Variants in PLGRKT observed in about 807,000 individuals in gnomAD.
PLGRKT encodes plasminogen receptor (KT).
In PLGRKT, 22 loss-of-function variants were observed where a neutral mutation model predicts 18.5. The ratio of observed to expected loss-of-function variants is 1.19; its 90% CI spans 0.85 to 1.70. The LOEUF (loss-of-function observed/expected upper bound fraction) is 1.70. PLGRKT is among the 40% of genes most tolerant of loss of function. PLGRKT has a pLI of 0.00. For synonymous variants in PLGRKT, 72 were observed against 52.8 expected, an observed-to-expected ratio of 1.36 and a Z score of -1.58; for missense variants, 235 against 174.4, an observed-to-expected ratio of 1.35 and a Z score of -1.96.
chr9:5,385,598 C>G (rs748863873), intron 3 of PLGRKT, among the ~76,000 whole-genome samples: 10 of 151,726 alleles, frequency 6.6e-5, no homozygotes, highest in Non-Finnish European at 1.5e-4. Context: ...ACATACTTGC[C>G]ACTCTTCAGT....
At chr9:5,382,963 C>T (rs1187124717) in intron 3 of PLGRKT, among the ~76,000 whole-genome samples, 1 of 152,166 alleles carries the variant, frequency 6.6e-6, no homozygotes, top group Admixed American at 6.5e-5. Context: ...GGTCCACATC[C>T]TAACTCCAGA....
At chr9:5,381,568 C>T (rs986875553) in intron 3 of PLGRKT, among the ~76,000 whole-genome samples, 5 of 152,212 alleles carry the variant, frequency 3.3e-5, no homozygotes, top group African/African-American at 1.2e-4. Context: ...CATTTACAAA[C>T]GTGCAGATGT....
chr9:5,381,951 T>C, intron 3 of PLGRKT: 1 of 985,148 alleles, frequency 1.0e-6, no homozygotes, highest in African/African-American at 1.7e-5. Context: ...CCTCCATGCC[T>C]GAGCCAGCTC....
intron 3 of PLGRKT, among the ~76,000 whole-genome samples, chr9:5,367,144 A>G (rs566236865): frequency 4.6e-5 from 7 of 152,184 alleles, no homozygotes; most frequent in African/African-American, 1.7e-4. Context: ...GGAAGAATCA[A>G]TATCATTAAA....
chr9:5,389,008 G>A (rs1339612998), intron 3 of PLGRKT, among the ~76,000 whole-genome samples: 1 of 151,968 alleles, frequency 6.6e-6, no homozygotes, highest in Non-Finnish European at 1.5e-5. Flanking sequence ...CTTGTGCAAT[G>A]AAGAAGACAT....
intron 3 of PLGRKT, chr9:5,392,434 TACAGTTATTCATA>T (rs1449063597): frequency 6.6e-6 from 1 of 152,016 alleles, no homozygotes; most frequent in East Asian, 1.9e-4. Context: ...GCAATTATAA[TACAGTTATTCATA>T]AAGCAAATTG....
intron 3 of PLGRKT, among the ~76,000 whole-genome samples, chr9:5,397,329 G>C (rs982779728): frequency 2.0e-5 from 3 of 151,844 alleles, no homozygotes; most frequent in Admixed American, 6.6e-5. Flanking sequence ...TCTTTCCAAA[G>C]GCAGCTCTTC....
At chr9:5,426,948 C>G (rs1042005768) in intron 3 of PLGRKT, among the ~76,000 whole-genome samples, 2 of 152,190 alleles carry the variant, frequency 1.3e-5, no homozygotes, top group African/African-American at 2.4e-5. Flanking sequence ...GCTTTCTGTG[C>G]TACGAGTAAT....
intron 3 of PLGRKT, among the ~76,000 whole-genome samples, chr9:5,411,135 A>C (rs535243624): frequency 6.6e-6 from 1 of 152,006 alleles, no homozygotes; most frequent in African/African-American, 2.4e-5. Flanking sequence ...TGTAATCCCA[A>C]CACTTTGGGA....
intron 3 of PLGRKT, among the ~76,000 whole-genome samples, chr9:5,386,094 T>A (rs747142327): frequency 2.0e-5 from 3 of 151,788 alleles, no homozygotes; most frequent in Non-Finnish European, 4.4e-5. Context: ...TGCAAGAAAA[T>A]GCGAATGCAC....
chr9:5,418,506 C>G lies in PLGRKT; in HGVS notation c.81+13391G>C. Reference sequence around the variant, plus strand: ...ACCACATGGAGCTTTTCACCATGCCCCGCCTGTCCTGCTCCTCCTCCGCCA... The same window carrying G: ...ACCACATGGAGCTTTTCACCATGCCGCGCCTGTCCTGCTCCTCCTCCGCCA... On this transcript the variant is annotated intron_variant, in intron 3 of 5. Transcript: ENST00000223864. This position sits in a 1 kb window ranked among gnomAD's most constrained non-coding sequence, Gnocchi z 4.2. 1 of 1,090,366 alleles carries G rather than the reference C, an allele frequency of 9.2e-7. No individual in the cohort carries two copies. Among genetic ancestry groups the G allele is most frequent in the Non-Finnish European group, 1.4e-6 (1 of 710,120 alleles). 67.5% of individuals were successfully genotyped at this position (1,090,366 alleles called of 1,614,324 possible).
chr9:5,417,359 T>C (rs1375260945), intron 3 of PLGRKT, among the ~76,000 whole-genome samples: 2 of 152,146 alleles, frequency 1.3e-5, no homozygotes, highest in Non-Finnish European at 2.9e-5. Context: ...CCTTACTTCA[T>C]ACCATACATA....
chr9:5,403,099 A>C lies in PLGRKT; in HGVS notation c.81+28798T>G, dbSNP rs369265407. On this transcript the variant is annotated intron_variant, in intron 3 of 5. Transcript: ENST00000223864. ...TTTAATCATTATTGGTCTCAATGTA[A>C]CAGATGGAAGGTGGCATTAGATAAT... Among the ~76,000 whole-genome samples, 83 of 152,040 alleles carry C rather than the reference A, an allele frequency of 5.5e-4. 2 individuals are homozygous for C. The highest frequency in any genetic ancestry group is 1.9e-3 in the African/African-American group (77 of 41,314).
At chr9:5,365,162 G>A (rs947760753) in intron 3 of PLGRKT, among the ~76,000 whole-genome samples, 1 of 152,044 alleles carries the variant, frequency 6.6e-6, no homozygotes, top group Non-Finnish European at 1.5e-5. Context: ...AGAAATAGCT[G>A]GCCTAGGACT....
intron 3 of PLGRKT, among the ~76,000 whole-genome samples, chr9:5,388,446 G>A (rs1055611408): frequency 1.3e-5 from 2 of 152,026 alleles, no homozygotes. Flanking sequence ...TAGGATATAT[G>A]CAGATGATAC....
chr9:5,396,014 C>T (rs1818039528), intron 3 of PLGRKT, among the ~76,000 whole-genome samples: 1 of 151,424 alleles, frequency 6.6e-6, no homozygotes, highest in African/African-American at 2.4e-5. Flanking sequence ...CTGCCTTAGC[C>T]TCCCAAGTAG....
intron 3 of PLGRKT, among the ~76,000 whole-genome samples, chr9:5,410,940 T>C (rs1818350194): frequency 6.6e-6 from 1 of 152,202 alleles, no homozygotes; most frequent in Non-Finnish European, 1.5e-5. Flanking sequence ...TGATATAATA[T>C]TAATTGTTAT....
chr9:5,409,822 C>G (rs1297120627), intron 3 of PLGRKT, among the ~76,000 whole-genome samples: 1 of 152,204 alleles, frequency 6.6e-6, no homozygotes, highest in East Asian at 1.9e-4. Context: ...TGGCCAAATT[C>G]TCCTATTTGG....
chr9:5,382,325 C>T (rs72703676), intron 3 of PLGRKT, among the ~76,000 whole-genome samples: 1,778 of 152,276 alleles, frequency 0.012, 14 homozygotes, highest in Middle Eastern at 0.027. Context: ...TATGAAAGTG[C>T]ATGGCAGGGC....
Sources: gnomAD v4.1 joint callset for allele counts (sites outside exome capture counted in the v4.1 genomes callset) on GRCh38, gnomAD v4.1.1 for gene constraint, Gnocchi (gnomAD v3.1) non-coding constraint, MANE v1.5 for transcripts, NCBI Gene and HGNC (gene_info 2026-07-23, HGNC 2026-07-21) for gene names.